Variants in NMNAT2 observed in about 807,000 individuals in gnomAD.
NMNAT2 encodes the protein nicotinamide/nicotinic acid mononucleotide adenylyltransferase 2.
NMNAT2 carries 11 observed loss-of-function variants against 41.6 expected under a neutral mutation model. The ratio of observed to expected loss-of-function variants is 0.26; its 90% CI spans 0.17 to 0.44. The LOEUF (loss-of-function observed/expected upper bound fraction) is 0.44, where lower values mean the gene tolerates loss of function less well. Among genes scored for constraint, NMNAT2 ranks in the 20% least tolerant of loss-of-function variants. NMNAT2 has a pLI of 1.00. For synonymous variants in NMNAT2, 148 were observed against 151.2 expected (o/e 0.98, Z 0.16); for missense variants, 288 against 407.7 (o/e 0.71, Z 2.53).
intron 10 of NMNAT2, among the ~76,000 whole-genome samples, chr1:183,253,213 ATATC>A (rs1393185703): frequency 1.3e-5 from 2 of 148,610 alleles, no homozygotes; most frequent in Non-Finnish European, 3.0e-5. Context: ...ATAATATAGT[ATATC>A]TATGTTATAT....
chr1:183,342,339 T>C (rs1216009221), intron 1 of NMNAT2, among the ~76,000 whole-genome samples: 1 of 151,980 alleles, frequency 6.6e-6, no homozygotes, highest in African/African-American at 2.4e-5. Context: ...ACAAAATTTT[T>C]CCAAAAAATA....
Position 183,278,557 on chromosome 1 carries a change from G to T in NMNAT2, c.647C>A (p.Ala216Glu), listed in dbSNP as rs779065488. Reference protein sequence around the residue: ...SFCIPGLWNEADMEVIVGDFG... With the variant: ...SFCIPGLWNEEDMEVIVGDFG... ...GGCAATAACCTTGCTACTCACATCT[G>T]CCTCGTTCCAGAGCCCTGGGATGCA... Residue 216 changes from alanine to glutamate, a missense_variant, in exon 8 of 11, where the codon GCA becomes GAA. By Grantham distance (107) the Ala-to-Glu change is moderately radical (BLOSUM62 -1). Around this residue, in one of 3 missense-constraint regions of NMNAT2, gnomAD observed 181 missense variants for 213.7 expected, o/e 0.85. Coordinates refer to ENST00000287713, the MANE Select transcript of NMNAT2 (RefSeq NM_015039.4). The T allele has an allele frequency of 1.2e-6, 2 of 1,610,128 alleles. No individual in the cohort carries two copies. Among genetic ancestry groups the T allele is most frequent in the Non-Finnish European group, 8.5e-7 (1 of 1,176,478 alleles).
intron 1 of NMNAT2, among the ~76,000 whole-genome samples, chr1:183,318,788 G>C (rs1362313425): frequency 2.0e-5 from 3 of 152,210 alleles, no homozygotes; most frequent in African/African-American, 4.8e-5. Context: ...CGATACAGGA[G>C]CAGAGGTTTG....
At chr1:183,291,692 C>G (rs539220759) in intron 3 of NMNAT2, among the ~76,000 whole-genome samples, 1 of 152,278 alleles carries the variant, frequency 6.6e-6, no homozygotes, top group South Asian at 2.1e-4. Context: ...ATTCAAGGTC[C>G]CCAGCATCCC....
At chr1:183,405,503 C>A (rs1648928824) in intron 1 of NMNAT2, among the ~76,000 whole-genome samples, 1 of 152,030 alleles carries the variant, frequency 6.6e-6, no homozygotes, top group Non-Finnish European at 1.5e-5. Context: ...TGACAGTATC[C>A]ACCTCTGTTG....
chr1:183,341,947 C>G (rs1176342208), intron 1 of NMNAT2, among the ~76,000 whole-genome samples: 3 of 151,856 alleles, frequency 2.0e-5, no homozygotes, highest in Non-Finnish European at 4.4e-5. Flanking sequence ...GGTGGAATCC[C>G]ACCTATGAAT....
intron 8 of NMNAT2, among the ~76,000 whole-genome samples, chr1:183,274,233 G>C (rs1661067220): frequency 6.6e-6 from 1 of 151,982 alleles, no homozygotes; most frequent in Admixed American, 6.6e-5. Context: ...ATTTCTAGCA[G>C]ACAGCCAGAT....
At chr1:183,386,241 C>A (rs1648238775) in intron 1 of NMNAT2, among the ~76,000 whole-genome samples, 1 of 151,922 alleles carries the variant, frequency 6.6e-6, no homozygotes, top group Admixed American at 6.6e-5. Context: ...CACAAGATAC[C>A]TTTGAGAGAT....
At chr1:183,359,368 C>A (rs749018214) in intron 1 of NMNAT2, among the ~76,000 whole-genome samples, 19 of 152,140 alleles carry the variant, frequency 1.2e-4, no homozygotes, top group Non-Finnish European at 2.5e-4. Flanking sequence ...CTCTCTCCCC[C>A]ACTGCCCACC....
intron 1 of NMNAT2, among the ~76,000 whole-genome samples, chr1:183,331,200 C>T (rs1008524331): frequency 4.4e-4 from 67 of 152,024 alleles, no homozygotes; most frequent in African/African-American, 1.5e-3. Flanking sequence ...GTGGCCGTGG[C>T]GCACTGAGCA....
Position 183,337,569 on chromosome 1 carries a change from CAA to C in NMNAT2, c.86-43778_86-43777del, listed in dbSNP as rs71127343. Among the ~76,000 whole-genome samples, 58 of 100,622 alleles carry C rather than the reference CAA, an allele frequency of 5.8e-4. 1 individual carries two copies. The East Asian group carries it at 0.011, about 19-fold the overall frequency. 66.0% of individuals were successfully genotyped at this position (100,622 alleles called of 152,430 possible). A position where few individuals can be genotyped will look rare whatever the true frequency, so the allele number is the denominator to read the frequency against. The stretch of plus-strand genomic sequence containing the variant: ...AATCTTAACCACCTCCTCTCCACAG[CAA>C]AAAAAAAAAAAAAAAAAATACCATA... On this transcript the variant is annotated intron_variant, in intron 1 of 10. Coordinates refer to ENST00000287713, the MANE Select transcript of NMNAT2 (RefSeq NM_015039.4).
At chr1:183,379,944 C>T (rs1557894551) in intron 1 of NMNAT2, among the ~76,000 whole-genome samples, 1 of 152,236 alleles carries the variant, frequency 6.6e-6, no homozygotes, top group Non-Finnish European at 1.5e-5. Context: ...GCACTTGAAT[C>T]ATCATACTTT....
At chr1:183,286,628 G>C in intron 5 of NMNAT2, 34 bp downstream of exon 5, 1 of 1,568,262 alleles carries the variant, frequency 6.4e-7, no homozygotes, top group Non-Finnish European at 8.7e-7. Context: ...ACATGATTCT[G>C]AGGTCTGAGA....
intron 1 of NMNAT2, among the ~76,000 whole-genome samples, chr1:183,415,381 T>C (rs996863202): frequency 6.6e-6 from 1 of 152,226 alleles, no homozygotes; most frequent in Non-Finnish European, 1.5e-5. Flanking sequence ...AAATAACTGG[T>C]TTCTTTAGAC....
intron 1 of NMNAT2, among the ~76,000 whole-genome samples, chr1:183,416,752 C>A (rs1362401069): frequency 6.6e-6 from 1 of 152,130 alleles, no homozygotes; most frequent in Non-Finnish European, 1.5e-5. Context: ...TTTTAACAAG[C>A]GAGCCCAGTT....
At chr1:183,377,302 G>A (rs896276972) in intron 1 of NMNAT2, among the ~76,000 whole-genome samples, 2 of 151,824 alleles carry the variant, frequency 1.3e-5, no homozygotes, top group African/African-American at 4.8e-5. Flanking sequence ...ATCAGAGAAG[G>A]GACCCTCCCC....
At chr1:183,402,918 T>C (rs1017920254) in intron 1 of NMNAT2, among the ~76,000 whole-genome samples, 4 of 152,030 alleles carry the variant, frequency 2.6e-5, no homozygotes, top group Non-Finnish European at 5.9e-5. Flanking sequence ...AAAGCTGCTG[T>C]CGTGCAATAA....
intron 1 of NMNAT2, among the ~76,000 whole-genome samples, chr1:183,360,605 G>T (rs975619969): frequency 6.6e-6 from 1 of 152,184 alleles, no homozygotes; most frequent in African/African-American, 2.4e-5. Context: ...CAGAACTGAG[G>T]TCTAGAAATG....
At chr1:183,371,884 A>C (rs557643172) in intron 1 of NMNAT2, among the ~76,000 whole-genome samples, 4 of 152,208 alleles carry the variant, frequency 2.6e-5, no homozygotes, top group South Asian at 2.1e-4. Flanking sequence ...GGCTCAAGCA[A>C]TCCTTCTGCC....
Sources: gnomAD v4.1 joint callset for allele counts (sites outside exome capture counted in the v4.1 genomes callset) on GRCh38, gnomAD v4.1.1 for gene constraint, gnomAD v4.1.1 regional missense constraint, MANE v1.5 for transcripts, NCBI Gene and HGNC (gene_info 2026-07-23, HGNC 2026-07-21) for gene names.